GAPVD1: variants seen among roughly 807,000 people sequenced by gnomAD.
GAPVD1 encodes the protein GTPase activating protein and VPS9 domains 1.
GAPVD1 carries 35 observed loss-of-function variants against 155.5 expected under a neutral mutation model. The ratio of observed to expected loss-of-function variants is 0.23; its 90% CI spans 0.17 to 0.30. The LOEUF is 0.30. Among genes scored for constraint, GAPVD1 ranks in the 10% least tolerant of loss-of-function variants. The probability of loss-of-function intolerance (pLI) is 1.00; values close to 1 mark genes in which losing one functional copy is unlikely to be tolerated. For missense variants in GAPVD1, 1,429 were observed against 1,775.7 expected, an observed-to-expected ratio of 0.80 and a Z score of 3.51; for synonymous variants, 636 against 619.7, an observed-to-expected ratio of 1.03 and a Z score of -0.39.
intron 15 of GAPVD1, among the ~76,000 whole-genome samples, chr9:125,336,018 T>C (rs772543392): frequency 1.3e-5 from 2 of 151,190 alleles, no homozygotes; most frequent in Non-Finnish European, 2.9e-5. Context: ...TAGCTGGGTG[T>C]GGTGTGCTCA....
Position 125,330,222 on chromosome 9 carries a change from A to T in GAPVD1, c.2173+4A>T. 1 of 1,580,312 alleles carries T rather than the reference A, an allele frequency of 6.3e-7. No individual in the cohort carries two copies. Among genetic ancestry groups the T allele is most frequent in the Non-Finnish European group, 8.6e-7 (1 of 1,163,490 alleles). On this transcript the variant is annotated splice_donor_region_variant and intron_variant, in intron 13 of 27. Transcript: ENST00000297933. Reference sequence around the variant, plus strand: ...GAGGTATTGCCAAGTGACTCAGGTTAGTATGCTGTCATTGTTTGCTTTTTC... The same window carrying T: ...GAGGTATTGCCAAGTGACTCAGGTTTGTATGCTGTCATTGTTTGCTTTTTC...
intron 15 of GAPVD1, among the ~76,000 whole-genome samples, chr9:125,335,610 G>T (rs2131927223): frequency 6.6e-6 from 1 of 152,206 alleles, no homozygotes; most frequent in East Asian, 1.9e-4. Flanking sequence ...CCAGGAGGTG[G>T]AGGTTGCAGT....
At chr9:125,300,258 T>C (rs1407718180) in intron 4 of GAPVD1, among the ~76,000 whole-genome samples, 5 of 148,298 alleles carry the variant, frequency 3.4e-5, no homozygotes, top group Non-Finnish European at 4.5e-5. Flanking sequence ...CTCAGCTCAC[T>C]GCAACCTCTG....
At chr9:125,357,955 A>G (rs1357398620) in intron 25 of GAPVD1, among the ~76,000 whole-genome samples, 1 of 151,794 alleles carries the variant, frequency 6.6e-6, no homozygotes, top group African/African-American at 2.4e-5. Context: ...AACCTGGACA[A>G]CAGAGCGAAG....
At chr9:125,305,014 GA>G in intron 5 of GAPVD1, 48 bp from the exon 6 acceptor site, 2 of 1,176,628 alleles carry the variant, frequency 1.7e-6, no homozygotes, top group Non-Finnish European at 2.5e-6. Context: ...ACGTATTTGT[GA>G]GTATCTGTCT....
intron 15 of GAPVD1, among the ~76,000 whole-genome samples, chr9:125,333,485 C>CTTTTTTT (rs36083522): frequency 8.0e-5 from 10 of 124,366 alleles, no homozygotes; most frequent in Admixed American, 1.7e-4. Context: ...TACCTTTTGT[C>CTTTTTTT]TTTTTTTTTT....
At chr9:125,335,956 C>T (rs1217821263) in intron 15 of GAPVD1, among the ~76,000 whole-genome samples, 1 of 151,638 alleles carries the variant, frequency 6.6e-6, no homozygotes, top group East Asian at 1.9e-4. Context: ...AGTTCAAGAC[C>T]AGCCTGGGCA....
At chr9:125,316,714 CTT>C (rs1470253408) in intron 9 of GAPVD1, among the ~76,000 whole-genome samples, 5 of 152,220 alleles carry the variant, frequency 3.3e-5, no homozygotes, top group African/African-American at 1.2e-4. Flanking sequence ...GTGCATGTGT[CTT>C]TATAGTAGAA....
intron 2 of GAPVD1, among the ~76,000 whole-genome samples, chr9:125,279,094 C>T (rs535431305): frequency 6.6e-6 from 1 of 151,336 alleles, no homozygotes; most frequent in African/African-American, 2.4e-5. Flanking sequence ...TGCCTGTAAT[C>T]CCAGCTACTC....
At position 125,305,093 on chromosome 9, in the gene GAPVD1, A is replaced by T. The variant is rs761239756; in HGVS notation, c.1060A>T (p.Thr354Ser). 1 of 1,614,072 alleles carries T rather than the reference A, an allele frequency of 6.2e-7. No individual in the cohort carries two copies. The highest frequency in any genetic ancestry group is 1.1e-5 in the South Asian group (1 of 91,082). Residue 354 changes from threonine to serine, a missense_variant, in exon 6 of 28, where the codon ACT (threonine) becomes TCT (serine). By Grantham distance (58) the Thr-to-Ser change is moderately conservative (BLOSUM62 1). Around this residue, in one of 4 missense-constraint regions of GAPVD1, gnomAD observed 628 missense variants for 733.4 expected, o/e 0.86. Coordinates refer to ENST00000297933, the MANE Select transcript of GAPVD1 (RefSeq NM_001282680.3). ...CCGCCTTTTGCAGCAGTTAGCAATG[A>T]CTGGCTCTGAAGAGGGAGATCCCCG... ...VGRLLQQLAM[T>S]GSEEGDPRTK... is the part of the protein sequence containing the mutation.
chr9:125,323,198 C>T lies in GAPVD1; in HGVS notation c.1733-600C>T, dbSNP rs988729084. Among the ~76,000 whole-genome samples, 22 of 152,004 alleles carry T rather than the reference C, an allele frequency of 1.4e-4. No individual in the cohort carries two copies. In the South Asian group the frequency reaches 4.1e-3, roughly 29 times the overall value. On this transcript the variant is annotated intron_variant, in intron 10 of 27. Coordinates refer to ENST00000297933, the MANE Select transcript of GAPVD1 (RefSeq NM_001282680.3). ...CTCAGCTCACTGCAACCTTTGCCTC[C>T]CGGGTTCAAGCAATTCCCCTGCCTC...
At chr9:125,345,844 C>T (rs1044038452) in intron 19 of GAPVD1, 4 of 151,726 alleles carry the variant, frequency 2.6e-5, no homozygotes, top group Non-Finnish European at 5.9e-5. Flanking sequence ...ACACAAAATA[C>T]GTATATGTAT....
At chr9:125,285,159 T>C (rs1316761216) in intron 2 of GAPVD1, among the ~76,000 whole-genome samples, 1 of 152,238 alleles carries the variant, frequency 6.6e-6, no homozygotes, top group African/African-American at 2.4e-5. Flanking sequence ...AGCTCTGCCA[T>C]TGTGGCATGA....
rs1336305734 is a variant in GAPVD1 at position 125,346,839 on chromosome 9, A to G, written c.3067A>G (p.Ser1023Gly). 1.2e-6 allele frequency: 2 copies of G among 1,613,954 alleles called. No individual in the cohort carries two copies. The highest frequency in any genetic ancestry group is 1.7e-6 in the Non-Finnish European group (2 of 1,179,824). Residue 1023 changes from serine (S) to glycine (G), a missense_variant, in exon 20 of 28, where the codon AGT (serine) becomes GGT (glycine). By Grantham distance (56) the Ser-to-Gly change is moderately conservative. Around this residue, in one of 4 missense-constraint regions of GAPVD1, gnomAD observed 699 missense variants for 826.0 expected, o/e 0.85. Transcript: ENST00000297933. ...TLTDDPSPRL[S>G]AQAQVAEDIL... ...TGCAGATGATCCCAGCCCTAGACTC[A>G]GTGCACAAGCTCAGGTGGCTGAGGA... is the stretch of plus-strand genomic sequence containing the variant.
In GAPVD1 at chr9:125,355,855, C is replaced by T; in HGVS notation, c.3969C>T (p.Asp1323=). 1 of 1,549,988 alleles carries T rather than the reference C, an allele frequency of 6.5e-7. No homozygotes were observed. The highest frequency in any genetic ancestry group is 8.9e-7 in the Non-Finnish European group (1 of 1,121,468). The change falls in exon 25 of 28, where the codon GAC becomes GAT. Residue 1323 remains aspartate, a splice_region_variant and synonymous_variant. Coordinates refer to ENST00000297933, the MANE Select transcript of GAPVD1 (RefSeq NM_001282680.3). ...YPNQDGDILR[D]QVLHEHIQRL... The stretch of plus-strand genomic sequence containing the variant: ...ATCAAGATGGGGACATACTTCGCGA[C>T]CAGTAAGTACTTCTATGTTGAGTGC...
chr9:125,294,110 C>T (rs1484331300), intron 2 of GAPVD1, among the ~76,000 whole-genome samples: 2 of 151,058 alleles, frequency 1.3e-5, no homozygotes, highest in African/African-American at 4.9e-5. Flanking sequence ...GATAGGGTTT[C>T]ACCATGTTGG....
chr9:125,285,892 T>C lies in GAPVD1; in HGVS notation c.-149-9566T>C, dbSNP rs148690360. Among the ~76,000 whole-genome samples, 260 of 152,144 alleles carry C rather than the reference T, an allele frequency of 1.7e-3. 1 individual carries two copies. Among genetic ancestry groups the C allele is most frequent in the African/African-American group, 5.9e-3 (243 of 41,522 alleles). ...GGCTCAGTCTTGGCTTACTGCAGCATTGACCTCCCTGCTCAAGTGATCCTC... is the reference window on the plus strand; with the variant it reads ...GGCTCAGTCTTGGCTTACTGCAGCACTGACCTCCCTGCTCAAGTGATCCTC... On this transcript the variant is annotated intron_variant, in intron 2 of 27. Transcript: ENST00000297933.
intron 2 of GAPVD1, among the ~76,000 whole-genome samples, chr9:125,279,307 A>G (rs1479625934): frequency 6.6e-6 from 1 of 151,998 alleles, no homozygotes; most frequent in East Asian, 1.9e-4. Context: ...GCAATGGCTC[A>G]CGCCTGTAAT....
intron 2 of GAPVD1, among the ~76,000 whole-genome samples, chr9:125,272,959 G>C (rs1031693304): frequency 6.6e-6 from 1 of 152,108 alleles, no homozygotes; most frequent in Non-Finnish European, 1.5e-5. Context: ...TTGTGTACCC[G>C]CTGTATTTAT....
Sources: gnomAD v4.1 joint callset for allele counts (sites outside exome capture counted in the v4.1 genomes callset) on GRCh38, gnomAD v4.1.1 for gene constraint, gnomAD v4.1.1 regional missense constraint, MANE v1.5 for transcripts, NCBI Gene and HGNC (gene_info 2026-07-23, HGNC 2026-07-21) for gene names.